OR6M1: variants seen among roughly 807,000 people sequenced by gnomAD.
The protein encoded by OR6M1 is olfactory receptor family 6 subfamily M member 1.
For missense variants in OR6M1, 364 were observed against 377.8 expected (o/e 0.96, Z 0.30); for synonymous variants, 167 against 146.3 (o/e 1.14, Z -1.02).
rs200756865 is a variant in OR6M1 at position 123,806,012 on chromosome 11, A to G, written c.338T>C (p.Leu113Ser). 49 of 1,613,952 alleles carry G rather than the reference A, an allele frequency of 3.0e-5. No homozygotes were observed. The highest frequency in any genetic ancestry group is 1.6e-4 in the East Asian group (7 of 44,874). The part of the protein sequence containing the change: ...FFLGTVEFIL[L>S]AVMSFDRYMA... ...GTAGCGGTCAAAGGACATCACCGCC[A>G]AGAGGATAAACTCCACCGTCCCCAG... The change falls in exon 1 of 1, where the codon TTG becomes TCG. Residue 113 changes from leucine (L) to serine (S), a missense_variant. Leu to Ser is a moderately radical substitution (Grantham distance 145). Transcript: ENST00000309154.
Position 123,805,894 on chromosome 11 carries a change from C to G in OR6M1, c.456G>C (p.Leu152=). The change falls in exon 1 of 1, where the codon CTG becomes CTC. Residue 152 remains leucine (L), a synonymous_variant. Transcript: ENST00000309154. ...CTACAATGGTTGGAAACAACACAGA[C>G]AGGAAGGCTCCCACCCAGCATCCCA... ...LVLGCWVGAF[L]SVLFPTIVVT... 1 of 1,613,944 alleles carries G rather than the reference C, an allele frequency of 6.2e-7. No individual in the cohort carries two copies.
rs535351972 is a variant in OR6M1, at chr11:123,806,263, A to G, written c.87T>C (p.Leu29=). 1.4e-4 allele frequency: 227 copies of G among 1,614,066 alleles called. No homozygotes were observed. In the South Asian group the frequency reaches 2.3e-3, roughly 16 times the overall value. ...LEIRISLFVV[L]VVTYTLTATG... is the part of the protein sequence containing the mutation. Reference sequence around the variant, plus strand: ...TTGCTGTTAATGTGTAAGTTACCACAAGAACCACGAAGAGAGATATTCGAA... The same window carrying G: ...TTGCTGTTAATGTGTAAGTTACCACGAGAACCACGAAGAGAGATATTCGAA... Residue 29 remains leucine (L), a synonymous_variant, in exon 1 of 1, where the codon CTT becomes CTC. Coordinates refer to ENST00000309154, the MANE Select transcript of OR6M1 (RefSeq NM_001005325.1).
chr11:123,805,564 G>C lies in OR6M1; in HGVS notation c.786C>G (p.Asn262Lys). 6.2e-7 allele frequency: 1 copy of C among 1,614,004 alleles called. No individual in the cohort carries two copies. Among genetic ancestry groups the C allele is most frequent in the Non-Finnish European group, 8.5e-7 (1 of 1,179,974 alleles). ...NIFVYVRPNQNSSLDYDKVAA... is the reference protein window; with the variant it reads ...NIFVYVRPNQKSSLDYDKVAA... ...CCACCTTGTCATAATCCAGTGAGGA[G>C]TTCTGATTGGGTCTCACATACACAA... Residue 262 changes from asparagine to lysine, a missense_variant, in exon 1 of 1, where the codon AAC becomes AAG. Coordinates refer to ENST00000309154, the MANE Select transcript of OR6M1 (RefSeq NM_001005325.1).
Position 123,806,219 on chromosome 11 carries a change from A to T in OR6M1, c.131T>A (p.Ile44Asn). 3 of 1,613,972 alleles carry T rather than the reference A, an allele frequency of 1.9e-6. No homozygotes were observed. The South Asian group carries it at 3.3e-5, about 18-fold the overall frequency. Residue 44 changes from isoleucine (I) to asparagine (N), a missense_variant, in exon 1 of 1, where the codon ATC becomes AAC. Coordinates refer to ENST00000309154, the MANE Select transcript of OR6M1 (RefSeq NM_001005325.1). ...GCGATGATCAATCCATATCAGGGAG[A>T]TGATGGTGATGTTTCCTGTTGCTGT... ...TLTATGNITI[I>N]SLIWIDHRLQ...
rs1006751413 is a variant in OR6M1 at position 123,805,827 on chromosome 11, A to G, written c.523T>C (p.Phe175Leu). The change falls in exon 1 of 1, where the codon TTC (phenylalanine) becomes CTC (leucine). Residue 175 changes from phenylalanine (F) to leucine (L), a missense_variant. By Grantham distance (22) the Phe-to-Leu change is conservative. Transcript: ENST00000309154. ...TGAAGAAGAGGGGCAATGTCACAGA[A>G]GAAATGATTAATTTCTTTCCTACAG... is the stretch of plus-strand genomic sequence containing the variant. ...PYCRKEINHFFCDIAPLLQVA... is the reference protein window; with the variant it reads ...PYCRKEINHFLCDIAPLLQVA... 5 of 1,613,938 alleles carry G rather than the reference A, an allele frequency of 3.1e-6. No individual in the cohort carries two copies. The African/African-American group carries it at 6.7e-5, about 22-fold the overall frequency.
Position 123,806,069 on chromosome 11 carries a change from C to A in OR6M1, c.281G>T (p.Gly94Val). The A allele has an allele frequency of 6.2e-7, 1 of 1,614,054 alleles. No homozygotes were observed. Among genetic ancestry groups the A allele is most frequent in the Non-Finnish European group, 8.5e-7 (1 of 1,180,000 alleles). The part of the protein sequence containing the change: ...LGEEKTISFA[G>V]CMIQTYFYFF... ...GTAGAAATATGTTTGGATCATGCAA[C>A]CAGCAAAAGATATGGTTTTCTCTTC... Residue 94 changes from glycine to valine, a missense_variant, in exon 1 of 1, where the codon GGT becomes GTT. Transcript: ENST00000309154.
Position 123,806,130 on chromosome 11 carries a change from C to A in OR6M1, c.220G>T (p.Val74Phe). Residue 74 changes from valine (V) to phenylalanine (F), a missense_variant, in exon 1 of 1, where the codon GTC (valine) becomes TTC (phenylalanine). By Grantham distance (50) the Val-to-Phe change is conservative (BLOSUM62 -1). Coordinates refer to ENST00000309154, the MANE Select transcript of OR6M1 (RefSeq NM_001005325.1). ...CAGGCCAACAACTTTGGGGTAATGA[C>A]AGTGGTGTATAAGATATCCAGAAAG... ...LSFLDILYTT[V>F]ITPKLLACLL... The A allele has an allele frequency of 6.2e-7, 1 of 1,614,078 alleles. No individual in the cohort carries two copies. The highest frequency in any genetic ancestry group is 8.5e-7 in the Non-Finnish European group (1 of 1,180,002).
chr11:123,806,050 A>G lies in OR6M1; in HGVS notation c.300T>C (p.Tyr100=), dbSNP rs1226987396. ...CCACCGTCCCCAGAAAGAAGTAGAA[A>G]TATGTTTGGATCATGCAACCAGCAA... ...ISFAGCMIQT[Y]FYFFLGTVEF... Residue 100 remains tyrosine, a synonymous_variant, in exon 1 of 1, where the codon TAT becomes TAC. Coordinates refer to ENST00000309154, the MANE Select transcript of OR6M1 (RefSeq NM_001005325.1). 1.2e-6 allele frequency: 2 copies of G among 1,614,074 alleles called. No individual in the cohort carries two copies. Among genetic ancestry groups the G allele is most frequent in the Admixed American group, 1.7e-5 (1 of 59,992 alleles).
In OR6M1 at chr11:123,805,640, G is replaced by T. The variant is rs1281527872; in HGVS notation, c.710C>A (p.Thr237Asn). 3 of 1,613,996 alleles carry T rather than the reference G, an allele frequency of 1.9e-6. No individual in the cohort carries two copies. The highest frequency in any genetic ancestry group is 1.7e-5 in the Admixed American group (1 of 59,992). Residue 237 changes from threonine to asparagine, a missense_variant, in exon 1 of 1, where the codon ACC becomes AAC. Transcript: ENST00000309154. ...GACAACAGTGATGTGAGAAGCACAG[G>T]TAGAAAAAGCTTTCTGACGGCCCTG... ...STQGRQKAFS[T>N]CASHITVVSI... is the part of the protein sequence containing the mutation.
Position 123,805,945 on chromosome 11 carries a change from G to A in OR6M1, c.405C>T (p.Asn135=). 6.2e-7 allele frequency: 1 copy of A among 1,613,766 alleles called. No homozygotes were observed. Among genetic ancestry groups the A allele is most frequent in the Non-Finnish European group, 8.5e-7 (1 of 1,179,868 alleles). ...CDPLHYTVIM[N]SRACLLLVLG... ...GAACCAGCAGAAGGCAGGCCCTGCT[G>A]TTCATGATGACCGTGTAGTGCAGTG... The change falls in exon 1 of 1, where the codon AAC becomes AAT. Residue 135 remains asparagine (N), a synonymous_variant. Transcript: ENST00000309154.
rs777872365 is a variant in OR6M1 at position 123,805,796 on chromosome 11, G to A, written c.554C>T (p.Ala185Val). 1 of 1,613,948 alleles carries A rather than the reference G, an allele frequency of 6.2e-7. No homozygotes were observed. The highest frequency in any genetic ancestry group is 8.5e-7 in the Non-Finnish European group (1 of 1,179,934). The change falls in exon 1 of 1, where the codon GCC (alanine) becomes GTC (valine). Residue 185 changes from alanine (A) to valine (V), a missense_variant. Transcript: ENST00000309154. ...CTCAATGAGGTGAGTATTTATACAGGCCACCTGAAGAAGAGGGGCAATGTC... is the reference window on the plus strand; with the variant it reads ...CTCAATGAGGTGAGTATTTATACAGACCACCTGAAGAAGAGGGGCAATGTC... ...FCDIAPLLQV[A>V]CINTHLIEKI...
chr11:123,805,674 G>C lies in OR6M1; in HGVS notation c.676C>G (p.Pro226Ala). The C allele has an allele frequency of 1.2e-6, 2 of 1,613,974 alleles. No individual in the cohort carries two copies. Among genetic ancestry groups the C allele is most frequent in the South Asian group, 1.1e-5 (1 of 91,078 alleles). Reference protein sequence around the residue: ...VYIISTILRIPSTQGRQKAFS... With the variant: ...VYIISTILRIASTQGRQKAFS... ...GCTTTCTGACGGCCCTGGGTGGAGG[G>C]GATACGCAGGATGGTAGAAATTATG... Residue 226 changes from proline to alanine, a missense_variant, in exon 1 of 1, where the codon CCC (proline) becomes GCC (alanine). Transcript: ENST00000309154.
In OR6M1 at chr11:123,805,685, A is replaced by G; in HGVS notation, c.665T>C (p.Ile222Thr). The G allele has an allele frequency of 6.2e-7, 1 of 1,614,060 alleles. No homozygotes were observed. Among genetic ancestry groups the G allele is most frequent in the Non-Finnish European group, 8.5e-7 (1 of 1,179,988 alleles). ...GCCCTGGGTGGAGGGGATACGCAGG[A>G]TGGTAGAAATTATGTACACGTAGGA... is the stretch of plus-strand genomic sequence containing the variant. ...TGSYVYIIST[I>T]LRIPSTQGRQ... is the part of the protein sequence containing the mutation. Residue 222 changes from isoleucine (I) to threonine (T), a missense_variant, in exon 1 of 1, where the codon ATC becomes ACC. Physicochemically the swap from Ile to Thr is moderately conservative, Grantham distance 89. Coordinates refer to ENST00000309154, the MANE Select transcript of OR6M1 (RefSeq NM_001005325.1).
rs1862381859 is a variant in OR6M1, at chr11:123,805,766, A to G, written c.584T>C (p.Ile195Thr). ...ACINTHLIEK[I>T]NFLLSALVIL... ...GACAAGGGCAGAGAGGAGAAAGTTT[A>G]TCTTCTCAATGAGGTGAGTATTTAT... is the stretch of plus-strand genomic sequence containing the variant. The change falls in exon 1 of 1, where the codon ATA (isoleucine) becomes ACA (threonine). Residue 195 changes from isoleucine (I) to threonine (T), a missense_variant. Ile to Thr is a moderately conservative substitution (Grantham distance 89). Transcript: ENST00000309154. The G allele has an allele frequency of 6.2e-7, 1 of 1,613,718 alleles. No homozygotes were observed. The highest frequency in any genetic ancestry group is 1.7e-5 in the Admixed American group (1 of 59,972).
rs1837496157 is a variant in OR6M1, at chr11:123,806,101, G to A, written c.249C>T (p.Leu83=). The part of the protein sequence containing the change: ...TVITPKLLAC[L]LGEEKTISFA... ...AAGATATGGTTTTCTCTTCTCCTAGGAGGCAGGCCAACAACTTTGGGGTAA... is the reference window on the plus strand; with the variant it reads ...AAGATATGGTTTTCTCTTCTCCTAGAAGGCAGGCCAACAACTTTGGGGTAA... The change falls in exon 1 of 1, where the codon CTC becomes CTT. Residue 83 remains leucine, a synonymous_variant. Transcript: ENST00000309154. The A allele has an allele frequency of 6.2e-7, 1 of 1,614,122 alleles. No individual in the cohort carries two copies. The highest frequency in any genetic ancestry group is 1.3e-5 in the African/African-American group (1 of 75,044).
Position 123,805,908 on chromosome 11 carries a change from C to T in OR6M1, c.442G>A (p.Val148Met), listed in dbSNP as rs1317439805. 4 of 1,613,738 alleles carry T rather than the reference C, an allele frequency of 2.5e-6. No individual in the cohort carries two copies. The African/African-American group carries it at 4.0e-5, about 16-fold the overall frequency. ...ACLLLVLGCW[V>M]GAFLSVLFPT... ...AACAACACAGACAGGAAGGCTCCCA[C>T]CCAGCATCCCAGAACCAGCAGAAGG... Residue 148 changes from valine to methionine, a missense_variant, in exon 1 of 1, where the codon GTG (valine) becomes ATG (methionine). By Grantham distance (21) the Val-to-Met change is conservative. Coordinates refer to ENST00000309154, the MANE Select transcript of OR6M1 (RefSeq NM_001005325.1).
At position 123,805,436 on chromosome 11, in the gene OR6M1, A is replaced by G; in HGVS notation, c.914T>C (p.Ile305Thr). 1 of 1,612,120 alleles carries G rather than the reference A, an allele frequency of 6.2e-7. No individual in the cohort carries two copies. Among genetic ancestry groups the G allele is most frequent in the Non-Finnish European group, 8.5e-7 (1 of 1,179,078 alleles). The change falls in exon 1 of 1, where the codon ATC becomes ACC. Residue 305 changes from isoleucine (I) to threonine (T), a missense_variant. By Grantham distance (89) the Ile-to-Thr change is moderately conservative. Transcript: ENST00000309154. The part of the protein sequence containing the change: ...QEVLRETVNR[I>T]MTLIQRKT ...AGTTTTCCTTTGTATCAAGGTCATG[A>G]TTCTGTTCACTGTCTCTCTCAACAC... is the stretch of plus-strand genomic sequence containing the variant.
At position 123,805,974 on chromosome 11, in the gene OR6M1, C is replaced by T. The variant is rs776077538; in HGVS notation, c.376G>A (p.Asp126Asn). ...MSFDRYMAIC[D>N]PLHYTVIMNS... ...ATGATGACCGTGTAGTGCAGTGGGTCGCAGATAGCCATGTAGCGGTCAAAG... is the reference window on the plus strand; with the variant it reads ...ATGATGACCGTGTAGTGCAGTGGGTTGCAGATAGCCATGTAGCGGTCAAAG... Residue 126 changes from aspartate to asparagine, a missense_variant, in exon 1 of 1, where the codon GAC (aspartate) becomes AAC (asparagine). Transcript: ENST00000309154. 8.1e-6 allele frequency: 13 copies of T among 1,613,568 alleles called. No individual in the cohort carries two copies. The highest frequency in any genetic ancestry group is 3.3e-5 in the South Asian group (3 of 91,046).
At position 123,806,015 on chromosome 11, in the gene OR6M1, A is replaced by T; in HGVS notation, c.335T>A (p.Leu112His). 1 of 1,614,070 alleles carries T rather than the reference A, an allele frequency of 6.2e-7. No individual in the cohort carries two copies. The highest frequency in any genetic ancestry group is 8.5e-7 in the Non-Finnish European group (1 of 1,180,008). The part of the protein sequence containing the change: ...YFFLGTVEFI[L>H]LAVMSFDRYM... ...GCGGTCAAAGGACATCACCGCCAAG[A>T]GGATAAACTCCACCGTCCCCAGAAA... Residue 112 changes from leucine (L) to histidine (H), a missense_variant, in exon 1 of 1, where the codon CTC becomes CAC. Leu to His is a moderately conservative substitution (Grantham distance 99). Transcript: ENST00000309154.
Sources: allele counts gnomAD v4.1 joint callset, GRCh38; gene constraint gnomAD v4.1.1; transcripts MANE v1.5; gene names NCBI Gene and HGNC (gene_info 2026-07-23, HGNC 2026-07-21).